Variants in NLRP14 observed in about 807,000 individuals in gnomAD.
NLRP14 encodes NLR family pyrin domain containing 14.
NLRP14 carries 105 observed loss-of-function variants against 94.7 expected under a neutral mutation model. That is an observed-to-expected ratio of 1.11 (90% confidence interval 0.95 to 1.30). The LOEUF (loss-of-function observed/expected upper bound fraction) is 1.30. Among genes scored for constraint, NLRP14 ranks in the 50% most tolerant of loss-of-function variants. NLRP14 has a pLI of 0.00. For missense variants in NLRP14, 1,362 were observed against 1,254.1 expected (o/e 1.09, Z -1.30); for synonymous variants, 508 against 459.9 (o/e 1.10, Z -1.34).
the NLRP14 span, among the ~76,000 whole-genome samples, chr11:7,076,844 G>A: frequency 2.0e-5 from 3 of 152,098 alleles, no homozygotes; most frequent in African/African-American, 7.2e-5. Flanking sequence ...GCACATGTGG[G>A]CTATGATTCA....
At position 7,043,788 on chromosome 11, in the gene NLRP14, G is replaced by A. The variant is rs144386534; in HGVS notation, c.1762G>A (p.Glu588Lys). The A allele has an allele frequency of 3.0e-5, 48 of 1,613,996 alleles. No homozygotes were observed. ...GFLELFHCLY[E>K]TQDKAFISQA... ...TCTGGAGTTGTTTCACTGTCTGTAT[G>A]AGACTCAAGATAAAGCGTTTATAAG... is the stretch of plus-strand genomic sequence containing the variant. The change falls in exon 4 of 12, where the codon GAG (glutamate) becomes AAG (lysine). Residue 588 changes from glutamate to lysine, a missense_variant. Physicochemically the swap from Glu to Lys is moderately conservative, Grantham distance 56. Coordinates refer to ENST00000299481, the MANE Select transcript of NLRP14 (RefSeq NM_176822.4).
the NLRP14 span, chr11:7,089,197 C>T: frequency 1.9e-6 from 3 of 1,613,866 alleles, no homozygotes; most frequent in East Asian, 4.5e-5. Context: ...GCCCTCGAAG[C>T]CGAGTTTGGC....
chr11:7,030,361 C>T (rs1278940228), intron 1 of NLRP14, among the ~76,000 whole-genome samples: 2 of 152,212 alleles, frequency 1.3e-5, no homozygotes, highest in Non-Finnish European at 2.9e-5. Context: ...TTAAATATAT[C>T]GAGTAGGCTC....
the NLRP14 span, chr11:7,090,266 C>T: frequency 8.1e-6 from 13 of 1,606,698 alleles, no homozygotes; most frequent in Non-Finnish European, 1.1e-5. Context: ...TAGGAGGCCG[C>T]TTGGAGAGAG....
rs115752689 is a variant in NLRP14, at chr11:7,044,520, C to T, written c.1958+536C>T. On this transcript the variant is annotated intron_variant, in intron 4 of 11. Transcript: ENST00000299481. ...TTTTGTAGTTTGTGAAGGGTCTCAG[C>T]CCTTTAATGCCTATCTGGAGACACT... Among the ~76,000 whole-genome samples the T allele has an allele frequency of 1.2e-3, 190 of 152,160 alleles. 2 individuals carry two copies. Among genetic ancestry groups the T allele is most frequent in the African/African-American group, 4.5e-3 (187 of 41,490 alleles).
Position 7,038,569 on chromosome 11 carries a change from C to A in NLRP14, c.-18C>A. On this transcript the variant is annotated 5_prime_UTR_variant, in exon 2 of 12. Transcript: ENST00000299481. ...GTTATTTTTTTTCCCCCCACAGAGGCCTGAATATTTGGACAAGATGGCAGA... is the reference window on the plus strand; with the variant it reads ...GTTATTTTTTTTCCCCCCACAGAGGACTGAATATTTGGACAAGATGGCAGA... 3 of 1,612,330 alleles carry A rather than the reference C, an allele frequency of 1.9e-6. No individual in the cohort carries two copies. The highest frequency in any genetic ancestry group is 2.5e-6 in the Non-Finnish European group (3 of 1,179,380).
chr11:7,056,580 T>C (rs1013537525), intron 6 of NLRP14, among the ~76,000 whole-genome samples: 1 of 149,720 alleles, frequency 6.7e-6, no homozygotes, highest in African/African-American at 2.4e-5. Context: ...GAAAATGAAC[T>C]ATCAAGCATT....
At chr11:7,073,887 G>A (rs1118514), downstream of NLRP14, among the ~76,000 whole-genome samples, 15,575 of 152,130 alleles carry the variant, frequency 0.1, 808 homozygotes, top group Admixed American at 0.16. Context: ...GCTTCATTAG[G>A]TAGGCATGAT....
chr11:7,041,478 CT>C (rs1852248601), intron 3 of NLRP14, among the ~76,000 whole-genome samples: 1 of 152,006 alleles, frequency 6.6e-6, no homozygotes, highest in Non-Finnish European at 1.5e-5. Context: ...AACTTCATAT[CT>C]TTTTTGGTTA....
the NLRP14 span, among the ~76,000 whole-genome samples, chr11:7,087,887 AAGG>A: frequency 6.6e-6 from 1 of 152,196 alleles, no homozygotes; most frequent in Non-Finnish European, 1.5e-5. Context: ...TTTTACGAAT[AAGG>A]AGGATCATTA....
Position 7,043,835 on chromosome 11 carries a change from A to G in NLRP14, c.1809A>G (p.Pro603=). The part of the protein sequence containing the change: ...AFISQAMRCF[P]KVAINICEKI... The stretch of plus-strand genomic sequence containing the variant: ...TAAGCCAGGCAATGAGATGTTTCCC[A>G]AAGGTTGCCATTAATATTTGTGAGA... The change falls in exon 4 of 12, where the codon CCA becomes CCG. Residue 603 remains proline, a synonymous_variant. Transcript: ENST00000299481. The G allele has an allele frequency of 6.2e-7, 1 of 1,614,214 alleles. No individual in the cohort carries two copies. Among genetic ancestry groups the G allele is most frequent in the Non-Finnish European group, 8.5e-7 (1 of 1,180,016 alleles).
intron 1 of NLRP14, among the ~76,000 whole-genome samples, chr11:7,036,367 T>C (rs1267036535): frequency 1.3e-5 from 2 of 152,224 alleles, no homozygotes; most frequent in Non-Finnish European, 2.9e-5. Context: ...TAGTATATTC[T>C]ACTCTACTAT....
At chr11:7,045,921 G>A (rs945462821) in intron 4 of NLRP14, among the ~76,000 whole-genome samples, 3 of 151,980 alleles carry the variant, frequency 2.0e-5, no homozygotes, top group Non-Finnish European at 4.4e-5. Context: ...GCTCACATAG[G>A]TTAGTAAATT....
intron 10 of NLRP14, among the ~76,000 whole-genome samples, chr11:7,065,364 T>C (rs1267414719): frequency 6.6e-6 from 1 of 152,162 alleles, no homozygotes; most frequent in Non-Finnish European, 1.5e-5. Flanking sequence ...TGTTTATACA[T>C]AGAAACATAG....
the NLRP14 span, chr11:7,089,012 G>C: frequency 0.27 from 361,783 of 1,325,840 alleles, 51,860 homozygotes; most frequent in African/African-American, 0.4. Context: ...TCGGCGACTA[G>C]GCGCCGCCTG....
the NLRP14 span, among the ~76,000 whole-genome samples, chr11:7,081,499 C>A: frequency 6.6e-6 from 1 of 151,798 alleles, no homozygotes; most frequent in Admixed American, 6.6e-5. Flanking sequence ...TGATTGGATG[C>A]CATCTTTTTT....
chr11:7,041,524 C>A (rs1005973466), intron 3 of NLRP14, among the ~76,000 whole-genome samples: 4 of 151,950 alleles, frequency 2.6e-5, no homozygotes, highest in African/African-American at 9.7e-5. Flanking sequence ...ATAGTTATAC[C>A]TTATTCAAAA....
At chr11:7,088,983 C>A in the NLRP14 span, 3 of 1,020,472 alleles carry the variant, frequency 2.9e-6, no homozygotes, top group Non-Finnish European at 4.4e-6. Context: ...AGCGGGGCTC[C>A]GGCTGCGGTT....
At chr11:7,042,319 C>A in intron 3 of NLRP14, 69 bp from the exon 4 acceptor site, 1 of 1,286,526 alleles carries the variant, frequency 7.8e-7, no homozygotes, top group Non-Finnish European at 1.1e-6. Context: ...CTTGACATTA[C>A]ATTTCATAGA....
Sources: gnomAD v4.1 joint callset for allele counts (sites outside exome capture counted in the v4.1 genomes callset) on GRCh38, gnomAD v4.1.1 for gene constraint, MANE v1.5 for transcripts, NCBI Gene and HGNC (gene_info 2026-07-23, HGNC 2026-07-21) for gene names.